SLC25A21: variants seen among roughly 807,000 people sequenced by gnomAD.
SLC25A21 encodes solute carrier family 25 member 21.
A neutral mutation model predicts 43.8 loss-of-function variants in SLC25A21; 47 were observed. The ratio of observed to expected loss-of-function variants is 1.07; its 90% CI spans 0.85 to 1.37. The LOEUF (loss-of-function observed/expected upper bound fraction) is 1.37, where lower values mean the gene tolerates loss of function less well. Among genes scored for constraint, SLC25A21 ranks in the 40% most tolerant of loss-of-function variants. The pLI is 0.00. For missense variants in SLC25A21, 352 were observed against 350.2 expected, an observed-to-expected ratio of 1.00 and a Z score of -0.04; for synonymous variants, 131 against 121.3, an observed-to-expected ratio of 1.08 and a Z score of -0.52.
intron 2 of SLC25A21, among the ~76,000 whole-genome samples, chr14:36,867,241 G>A (rs778186767): frequency 2.0e-5 from 3 of 152,172 alleles, no homozygotes; most frequent in Admixed American, 2.0e-4. Flanking sequence ...ATCCTGTCAA[G>A]TAATGTCTCC....
rs147117512 is a variant in SLC25A21 at position 37,094,676 on chromosome 14, G to A, written c.70+77605C>T. On this transcript the variant is annotated intron_variant, in intron 1 of 9. Coordinates refer to ENST00000331299, the MANE Select transcript of SLC25A21 (RefSeq NM_030631.4). ...CAGACTTATACACAGATACACACAC[G>A]TGACTCTAGATGACTAGTCCATTTT... Among the ~76,000 whole-genome samples, 944 of 151,486 alleles carry A rather than the reference G, an allele frequency of 6.2e-3. 9 individuals carry two copies. The highest frequency in any genetic ancestry group is 0.02 in the African/African-American group (820 of 41,200).
chr14:37,010,178 A>G (rs1278963717), intron 1 of SLC25A21, among the ~76,000 whole-genome samples: 1 of 152,256 alleles, frequency 6.6e-6, no homozygotes, highest in Non-Finnish European at 1.5e-5. Flanking sequence ...CAAATGGCAC[A>G]GTACAGAACA....
chr14:36,725,789 T>C lies in SLC25A21; in HGVS notation c.331-112A>G, dbSNP rs2139213336. The C allele has an allele frequency of 8.0e-6, 4 of 501,348 alleles. No homozygotes were observed. The East Asian group carries it at 1.5e-4, about 19-fold the overall frequency. The allele number at this position is 501,348 out of a possible 1,614,324, so 31.1% of individuals were successfully genotyped here. ...ACGTTATAAAGAGAATGGAGAAACCTACATAAACGCACCATATTCCATTAC... is the reference window on the plus strand; with the variant it reads ...ACGTTATAAAGAGAATGGAGAAACCCACATAAACGCACCATATTCCATTAC... On this transcript the variant is annotated intron_variant, in intron 5 of 9. Transcript: ENST00000331299.
chr14:36,757,211 T>C (rs891267710), intron 3 of SLC25A21, among the ~76,000 whole-genome samples: 1 of 152,044 alleles, frequency 6.6e-6, no homozygotes, highest in Non-Finnish European at 1.5e-5. Context: ...GGAGCCAATA[T>C]TGCACCACTG....
intron 1 of SLC25A21, among the ~76,000 whole-genome samples, chr14:36,939,708 T>G (rs1192038630): frequency 2.0e-5 from 3 of 152,134 alleles, no homozygotes; most frequent in African/African-American, 7.2e-5. Context: ...CATATAAAAA[T>G]AAATGGCATA....
intron 1 of SLC25A21, among the ~76,000 whole-genome samples, chr14:36,920,090 A>G (rs1891939391): frequency 6.6e-6 from 1 of 152,078 alleles, no homozygotes; most frequent in African/African-American, 2.4e-5. Context: ...TTTCTGTATC[A>G]AGGAAGTAGT....
chr14:36,725,259 A>C (rs1412315632), intron 6 of SLC25A21: 1 of 156,146 alleles, frequency 6.4e-6, no homozygotes, highest in Non-Finnish European at 1.4e-5. Flanking sequence ...GGATCACCTG[A>C]TGTCAGGAGT....
At chr14:36,935,159 A>T (rs1892388864) in intron 1 of SLC25A21, among the ~76,000 whole-genome samples, 1 of 152,196 alleles carries the variant, frequency 6.6e-6, no homozygotes, top group Non-Finnish European at 1.5e-5. Flanking sequence ...CCTGGCTGGT[A>T]TAGAGTTTCT....
rs139144423 is a variant in SLC25A21, at chr14:37,060,544, T to C, written c.70+111737A>G. On this transcript the variant is annotated intron_variant, in intron 1 of 9. Transcript: ENST00000331299. ...TCAATTTTTCATGGGAAGTAAAAAATCCAGATTTTAATGTGAAATATTCCA... is the reference window on the plus strand; with the variant it reads ...TCAATTTTTCATGGGAAGTAAAAAACCCAGATTTTAATGTGAAATATTCCA... Among the ~76,000 whole-genome samples the C allele has an allele frequency of 1.1e-3, 172 of 151,752 alleles. 2 individuals are homozygous for C. In the East Asian group the frequency reaches 0.016, roughly 15 times the overall value.
In SLC25A21 at chr14:36,679,267, G is replaced by T; in HGVS notation, c.*1391C>A. 1 of 982,844 alleles carries T rather than the reference G, an allele frequency of 1.0e-6. No homozygotes were observed. The highest frequency in any genetic ancestry group is 1.2e-6 in the Non-Finnish European group (1 of 827,652). 60.9% of individuals were successfully genotyped at this position (982,844 alleles called of 1,614,324 possible). ...AAATTTTAAAAAACACGTTGGAAAG[G>T]ATGTACAACAGAAGGCTATGTATGT... On this transcript the variant is annotated 3_prime_UTR_variant, in exon 10 of 10. Coordinates refer to ENST00000331299, the MANE Select transcript of SLC25A21 (RefSeq NM_030631.4).
intron 2 of SLC25A21, among the ~76,000 whole-genome samples, chr14:36,857,166 G>C (rs1463426303): frequency 6.6e-6 from 1 of 152,186 alleles, no homozygotes; most frequent in East Asian, 1.9e-4. Context: ...CCTGGGGTCT[G>C]GTGTGCCTGG....
intron 1 of SLC25A21, among the ~76,000 whole-genome samples, chr14:37,055,300 G>A (rs10483485): frequency 0.029 from 4,376 of 152,200 alleles, 248 homozygotes; most frequent in East Asian, 0.26. Flanking sequence ...ATGAAACTTC[G>A]GAGGACTGGG....
At chr14:36,976,081 GATGTTCCC>G (rs2138692491) in intron 1 of SLC25A21, among the ~76,000 whole-genome samples, 1 of 152,294 alleles carries the variant, frequency 6.6e-6, no homozygotes, top group African/African-American at 2.4e-5. Context: ...GGTAAGAGCA[GATGTTCCC>G]ATGTGTTGAC....
chr14:36,932,223 TA>T (rs1892313583), intron 1 of SLC25A21, among the ~76,000 whole-genome samples: 2 of 152,200 alleles, frequency 1.3e-5, no homozygotes, highest in South Asian at 4.2e-4. Context: ...CCTCCTCTAT[TA>T]AAAAAGAATT....
chr14:36,904,378 A>G (rs1386289655), intron 1 of SLC25A21, among the ~76,000 whole-genome samples: 1 of 152,194 alleles, frequency 6.6e-6, no homozygotes, highest in Non-Finnish European at 1.5e-5. Flanking sequence ...TTTTTCCCTT[A>G]AATTTCAAAG....
chr14:37,019,642 A>T (rs2138751673), intron 1 of SLC25A21, among the ~76,000 whole-genome samples: 1 of 129,046 alleles, frequency 7.7e-6, no homozygotes, highest in East Asian at 2.0e-4. Context: ...CAGGTCAAGG[A>T]GACAACTGGT....
intron 1 of SLC25A21, among the ~76,000 whole-genome samples, chr14:37,045,450 T>C (rs1456490109): frequency 6.6e-6 from 1 of 152,202 alleles, no homozygotes; most frequent in East Asian, 1.9e-4. Flanking sequence ...GAAAAAAAAC[T>C]TCACTAATAT....
intron 1 of SLC25A21, among the ~76,000 whole-genome samples, chr14:37,043,054 G>A (rs1961508374): frequency 6.6e-6 from 1 of 152,174 alleles, no homozygotes; most frequent in Non-Finnish European, 1.5e-5. Flanking sequence ...AGTGGCCCAA[G>A]TCAGGACCCC....
At chr14:36,801,563 G>A (rs74748109) in intron 3 of SLC25A21, among the ~76,000 whole-genome samples, 2,670 of 152,194 alleles carry the variant, frequency 0.018, 76 homozygotes, top group East Asian at 0.14. Flanking sequence ...CAGTTCTGCC[G>A]TAGCTCTACA....
Sources: gnomAD v4.1 joint callset for allele counts (sites outside exome capture counted in the v4.1 genomes callset) on GRCh38, gnomAD v4.1.1 for gene constraint, MANE v1.5 for transcripts, NCBI Gene and HGNC (gene_info 2026-07-23, HGNC 2026-07-21) for gene names.